Variants in NCKAP5 observed in about 807,000 individuals in gnomAD.
NCKAP5 encodes nck-associated protein 5.
In NCKAP5, 92 loss-of-function variants were observed where a neutral mutation model predicts 167.0. The ratio of observed to expected loss-of-function variants is 0.55; its 90% CI spans 0.47 to 0.66. NCKAP5 has a LOEUF of 0.66. NCKAP5 is among the 30% of genes least tolerant of loss of function. The pLI, the probability that NCKAP5 is intolerant of heterozygous loss-of-function variation, is 0.00. For missense variants in NCKAP5, 2,378 were observed against 2,315.0 expected, an observed-to-expected ratio of 1.03 and a Z score of -0.56; for synonymous variants, 891 against 877.4, an observed-to-expected ratio of 1.02 and a Z score of -0.27.
At chr2:133,371,775 A>G (rs1282851380) in intron 3 of NCKAP5, among the ~76,000 whole-genome samples, 2 of 152,130 alleles carry the variant, frequency 1.3e-5, no homozygotes, top group African/African-American at 4.8e-5. Flanking sequence ...CTGGGCTGCT[A>G]ATGTGCTGCC....
chr2:132,977,183 A>G (rs1282792365), intron 7 of NCKAP5, among the ~76,000 whole-genome samples: 1 of 152,200 alleles, frequency 6.6e-6, no homozygotes, highest in Non-Finnish European at 1.5e-5. Context: ...ACAACACAGA[A>G]GGCATTCAGC....
At chr2:133,670,895 C>T in the NCKAP5 span, among the ~76,000 whole-genome samples, 3 of 152,112 alleles carry the variant, frequency 2.0e-5, no homozygotes, top group African/African-American at 7.2e-5. Flanking sequence ...GCCCTAATAT[C>T]CTATCTCTAG....
intron 3 of NCKAP5, among the ~76,000 whole-genome samples, chr2:133,373,779 A>G (rs533622461): frequency 6.6e-6 from 1 of 152,248 alleles, no homozygotes; most frequent in South Asian, 2.1e-4. Flanking sequence ...ATATAAATAT[A>G]GTTAACTTGT....
At chr2:132,847,662 C>A (rs577609771) in intron 11 of NCKAP5, among the ~76,000 whole-genome samples, 280 of 151,480 alleles carry the variant, frequency 1.8e-3, no homozygotes, top group South Asian at 9.2e-3. Flanking sequence ...GAACATTTTC[C>A]GTGAACACCT....
chr2:133,046,835 G>T (rs73956101), intron 6 of NCKAP5, among the ~76,000 whole-genome samples: 3,293 of 152,272 alleles, frequency 0.022, 49 homozygotes, highest in Middle Eastern at 0.037. Context: ...TAGCATAAGG[G>T]TTCTTCAGAA....
chr2:133,523,563 A>AT (rs535590260), intron 2 of NCKAP5, among the ~76,000 whole-genome samples: 16 of 152,322 alleles, frequency 1.1e-4, no homozygotes, highest in African/African-American at 3.8e-4. Flanking sequence ...CTGAGTTTAC[A>AT]TTTTTTATGC....
chr2:133,409,013 T>C (rs1001227058), intron 3 of NCKAP5, among the ~76,000 whole-genome samples: 17 of 152,370 alleles, frequency 1.1e-4, no homozygotes, highest in Non-Finnish European at 2.2e-4. Flanking sequence ...CTTAATTTTT[T>C]CCTGGGTTGT....
chr2:133,657,379 CA>C, the NCKAP5 span, among the ~76,000 whole-genome samples: 2 of 152,318 alleles, frequency 1.3e-5, no homozygotes, highest in Middle Eastern at 3.4e-3. Context: ...TTCACTAAAT[CA>C]GAGGTAACAG....
intron 10 of NCKAP5, among the ~76,000 whole-genome samples, chr2:132,864,309 C>G (rs1248636033): frequency 6.6e-6 from 1 of 151,188 alleles, no homozygotes; most frequent in Non-Finnish European, 1.5e-5. Context: ...AAATATTTAT[C>G]ATGGAGGAAT....
intron 6 of NCKAP5, among the ~76,000 whole-genome samples, chr2:133,061,720 A>G (rs79114929): frequency 1.2e-3 from 176 of 152,336 alleles, no homozygotes; most frequent in Non-Finnish European, 2.0e-3. Flanking sequence ...GGAGGGGAGA[A>G]AAAGAAAGAT....
At position 133,008,743 on chromosome 2, in the gene NCKAP5, GA is replaced by G. The variant is rs574448678; in HGVS notation, c.342-14505del. Among the ~76,000 whole-genome samples, 841 of 151,904 alleles carry G rather than the reference GA, an allele frequency of 5.5e-3. 5 individuals are homozygous for G. Among genetic ancestry groups the G allele is most frequent in the Middle Eastern group, 0.01 (3 of 294 alleles). On this transcript the variant is annotated intron_variant, in intron 6 of 19. Transcript: ENST00000409261. ...TAATAGGTCAAACTAAAAACTGGGG[GA>G]AAAAAAGTCAATTTAAAAGGCTGCC...
chr2:133,176,583 C>T (rs2084471403), intron 5 of NCKAP5, among the ~76,000 whole-genome samples: 1 of 152,084 alleles, frequency 6.6e-6, no homozygotes. Context: ...TTTAAAACTG[C>T]GTAACAACAA....
At chr2:132,849,724 C>A (rs571099736) in intron 11 of NCKAP5, among the ~76,000 whole-genome samples, 3 of 152,166 alleles carry the variant, frequency 2.0e-5, no homozygotes, top group Non-Finnish European at 4.4e-5. Flanking sequence ...TCTCAGCCTG[C>A]GTGGATCTTA....
At chr2:133,324,878 T>C (rs1432952483) in intron 3 of NCKAP5, among the ~76,000 whole-genome samples, 1 of 152,082 alleles carries the variant, frequency 6.6e-6, no homozygotes, top group Non-Finnish European at 1.5e-5. Flanking sequence ...CAGATAATTT[T>C]TGTATTTGTA....
At chr2:133,341,284 A>ATTTTTTT (rs11362448) in intron 3 of NCKAP5, among the ~76,000 whole-genome samples, 1 of 145,766 alleles carries the variant, frequency 6.9e-6, no homozygotes. Context: ...AAGTGAGCAG[A>ATTTTTTT]TTTTTTTTTT....
intron 8 of NCKAP5, among the ~76,000 whole-genome samples, chr2:132,895,155 C>A (rs952064242): frequency 2.0e-5 from 3 of 151,748 alleles, no homozygotes; most frequent in South Asian, 2.1e-4. Context: ...CACGGTGAAA[C>A]CCCGTCTCTA....
the NCKAP5 span, among the ~76,000 whole-genome samples, chr2:133,635,696 G>T: frequency 6.6e-6 from 1 of 152,038 alleles, no homozygotes; most frequent in Non-Finnish European, 1.5e-5. Context: ...TTTATCAAAG[G>T]CTACCAAATA....
At chr2:133,531,770 T>C (rs778398161) in intron 2 of NCKAP5, among the ~76,000 whole-genome samples, 12 of 152,218 alleles carry the variant, frequency 7.9e-5, no homozygotes, top group Non-Finnish European at 1.8e-4. Flanking sequence ...TGCTTTAAAA[T>C]GTTTCATTTT....
chr2:133,311,413 C>A (rs538017209), intron 3 of NCKAP5, among the ~76,000 whole-genome samples: 1 of 152,330 alleles, frequency 6.6e-6, no homozygotes, highest in African/African-American at 2.4e-5. Context: ...CCTCCAGGAA[C>A]TTCCATGAGT....
Sources: gnomAD v4.1 joint callset for allele counts (sites outside exome capture counted in the v4.1 genomes callset) on GRCh38, gnomAD v4.1.1 for gene constraint, MANE v1.5 for transcripts, NCBI Gene and HGNC (gene_info 2026-07-23, HGNC 2026-07-21) for gene names.